FAM209A: variants seen among roughly 807,000 people sequenced by gnomAD.
The protein encoded by FAM209A is family with sequence similarity 209 member A.
In FAM209A, 4 loss-of-function variants were observed where a neutral mutation model predicts 9.8. The observed-to-expected ratio is 0.41, with a 90% CI of 0.20 to 0.94. FAM209A has a LOEUF of 0.94. Among genes scored for constraint, FAM209A ranks in the 40% least tolerant of loss-of-function variants. The pLI is 0.32. For missense variants in FAM209A, 205 were observed against 209.4 expected (o/e 0.98, Z 0.13); for synonymous variants, 55 against 77.8 (o/e 0.71, Z 1.54).
chr20:56,532,849 C>T, the FAM209A span, among the ~76,000 whole-genome samples: 1 of 152,178 alleles, frequency 6.6e-6, no homozygotes, highest in Non-Finnish European at 1.5e-5. Flanking sequence ...CCCCCCACAA[C>T]ATTTAAGTAC....
rs1334131675 is a variant in FAM209A at position 56,525,846 on chromosome 20, C to G, written c.292C>G (p.Pro98Ala). 1 of 1,614,136 alleles carries G rather than the reference C, an allele frequency of 6.2e-7. No homozygotes were observed. Residue 98 changes from proline to alanine, a missense_variant, in exon 2 of 2, where the codon CCA becomes GCA. Pro to Ala is a conservative substitution (Grantham distance 27). Coordinates refer to ENST00000371328, the MANE Select transcript of FAM209A (RefSeq NM_001012971.4). Reference protein sequence around the residue: ...PGLRGGQLHSPLKKKRNASPN... With the variant: ...PGLRGGQLHSALKKKRNASPN... ...CCTTCGAGGCGGCCAACTTCACTCT[C>G]CATTAAAGAAAAAAAGAAATGCTTC...
the FAM209A span, chr20:56,533,358 C>T: frequency 8.7e-6 from 14 of 1,614,014 alleles, no homozygotes; most frequent in Non-Finnish European, 1.2e-5. Context: ...ACGCTGAAAT[C>T]GTCCCTGGTC....
chr20:56,526,716 C>T (rs556675311), downstream of FAM209A, among the ~76,000 whole-genome samples: 23 of 150,526 alleles, frequency 1.5e-4, no homozygotes, highest in Non-Finnish European at 2.5e-4. Context: ...GCATTGAGAT[C>T]GCACCGCTGC....
At chr20:56,528,427 C>CA (rs34236877), downstream of FAM209A, among the ~76,000 whole-genome samples, 34,067 of 81,790 alleles carry the variant, frequency 0.42, 6,635 homozygotes, top group Non-Finnish European at 0.48. Context: ...ACCCTCTCTA[C>CA]AAAAAAAAAA....
At chr20:56,527,063 C>G (rs539814466), downstream of FAM209A, among the ~76,000 whole-genome samples, 1 of 152,298 alleles carries the variant, frequency 6.6e-6, no homozygotes, top group Admixed American at 6.5e-5. Context: ...TGGCTGATGG[C>G]ATCTCTGTAC....
At chr20:56,526,212 A>G (rs542138448), downstream of FAM209A, 8 of 1,219,626 alleles carry the variant, frequency 6.6e-6, no homozygotes, top group African/African-American at 1.2e-4. Context: ...AGTGAATGGG[A>G]GACCAGTAGC....
At chr20:56,525,098 T>A in intron 1 of FAM209A, 41 bp downstream of exon 1, 6 of 1,602,278 alleles carry the variant, frequency 3.7e-6, no homozygotes, top group Non-Finnish European at 5.1e-6. Context: ...ATTGATTCAA[T>A]CTCAGGAGTC....
the FAM209A span, among the ~76,000 whole-genome samples, chr20:56,532,349 G>A: frequency 6.6e-6 from 1 of 152,080 alleles, no homozygotes; most frequent in Non-Finnish European, 1.5e-5. Context: ...AGGGAGTGGT[G>A]GGGACTGTGG....
chr20:56,528,427 CAAAA>C (rs34236877), downstream of FAM209A, among the ~76,000 whole-genome samples: 19 of 81,854 alleles, frequency 2.3e-4, no homozygotes, highest in South Asian at 5.2e-4. Flanking sequence ...ACCCTCTCTA[CAAAA>C]AAAAAAAAAA....
chr20:56,527,273 G>C (rs976836686), downstream of FAM209A, among the ~76,000 whole-genome samples: 1 of 151,876 alleles, frequency 6.6e-6, no homozygotes, highest in Admixed American at 6.6e-5. Flanking sequence ...GAGCTGCTTC[G>C]GGTTGGCACT....
downstream of FAM209A, among the ~76,000 whole-genome samples, chr20:56,529,911 C>T (rs1204270719): frequency 1.3e-5 from 2 of 152,212 alleles, no homozygotes; most frequent in Non-Finnish European, 2.9e-5. Flanking sequence ...GTCCCAGCTA[C>T]TCAGGAGGCT....
the FAM209A span, chr20:56,533,191 CCT>C: frequency 6.6e-7 from 1 of 1,519,920 alleles, no homozygotes; most frequent in Admixed American, 2.1e-5. Context: ...TGACCTGTAA[CCT>C]CTGTCCTGAA....
In FAM209A at chr20:56,525,912, G is replaced by A. The variant is rs754441604; in HGVS notation, c.358G>A (p.Glu120Lys). 9.9e-5 allele frequency: 160 copies of A among 1,614,076 alleles called. No homozygotes were observed. The highest frequency in any genetic ancestry group is 1.6e-4 in the Middle Eastern group (1 of 6,084). The change falls in exon 2 of 2, where the codon GAG becomes AAG. Residue 120 changes from glutamate to lysine, a missense_variant. Glu to Lys is a moderately conservative substitution (Grantham distance 56). Coordinates refer to ENST00000371328, the MANE Select transcript of FAM209A (RefSeq NM_001012971.4). ...TGCATTCAATACCTTAATGGAACTC[G>A]AGGTGGAGCTTATGAAATTTGTGTC... ...DCAFNTLMELEVELMKFVSKV... is the reference protein window; with the variant it reads ...DCAFNTLMELKVELMKFVSKV...
At position 56,525,004 on chromosome 20, in the gene FAM209A, G is replaced by T; in HGVS notation, c.196G>T (p.Val66Phe). Residue 66 changes from valine to phenylalanine, a missense_variant, in exon 1 of 2, where the codon GTT (valine) becomes TTT (phenylalanine). Transcript: ENST00000371328. ...LGSKWLWLLF[V>F]VVPFVILQCQ... ...GAGCAAATGGCTCTGGCTTCTTTTT[G>T]TTGTTGTGCCGTTTGTGATACTGCA... The T allele has an allele frequency of 1.2e-6, 2 of 1,614,134 alleles. No homozygotes were observed. The highest frequency in any genetic ancestry group is 1.7e-6 in the Non-Finnish European group (2 of 1,180,030).
At chr20:56,528,427 CA>C (rs34236877), downstream of FAM209A, among the ~76,000 whole-genome samples, 15,402 of 81,698 alleles carry the variant, frequency 0.19, 846 homozygotes, top group Middle Eastern at 0.34. Context: ...ACCCTCTCTA[CA>C]AAAAAAAAAA....
chr20:56,530,731 A>G (rs1985715908), downstream of FAM209A, among the ~76,000 whole-genome samples: 1 of 150,518 alleles, frequency 6.6e-6, no homozygotes, highest in Non-Finnish European at 1.5e-5. Context: ...CTGGTCTCGA[A>G]CTCCTGACCT....
At chr20:56,528,588 C>A (rs1231415193), downstream of FAM209A, among the ~76,000 whole-genome samples, 2 of 151,612 alleles carry the variant, frequency 1.3e-5, no homozygotes, top group African/African-American at 4.8e-5. Flanking sequence ...GTGACAGAGC[C>A]AGACCTTGTG....
the FAM209A span, among the ~76,000 whole-genome samples, chr20:56,531,863 A>G: frequency 0.13 from 19,320 of 151,944 alleles, 1,387 homozygotes; most frequent in Middle Eastern, 0.34. Context: ...TCCTGACCTC[A>G]GGTGATCTGC....
Position 56,526,048 on chromosome 20 carries a change from G to A in FAM209A, c.494G>A (p.Trp165Ter), listed in dbSNP as rs374398582. The change falls in exon 2 of 2, where the codon TGG (tryptophan) becomes TAG (stop). Residue 165 changes from tryptophan (W) to a stop codon, truncating the protein, a stop_gained. Coordinates refer to ENST00000371328, the MANE Select transcript of FAM209A (RefSeq NM_001012971.4). LOFTEE classifies it high-confidence loss of function. ...DPYHVTICEI[W>*]GEESSS ...TACCATGTCACGATCTGTGAAATAT[G>A]GGGAGAAGAAAGCTCTAGCTGAATG... 41 of 1,606,336 alleles carry A rather than the reference G, an allele frequency of 2.6e-5. No homozygotes were observed. The highest frequency in any genetic ancestry group is 3.4e-5 in the Non-Finnish European group (40 of 1,176,014).
Sources: allele counts gnomAD v4.1 joint callset (sites outside exome capture counted in the v4.1 genomes callset), GRCh38; gene constraint gnomAD v4.1.1; transcripts MANE v1.5; gene names NCBI Gene and HGNC (gene_info 2026-07-23, HGNC 2026-07-21).